Variants in SCHIP1 observed in about 807,000 individuals in gnomAD.
SCHIP1 encodes schwannomin-interacting protein 1.
In SCHIP1, 8 loss-of-function variants were observed where a neutral mutation model predicts 29.7. The observed-to-expected ratio is 0.27, with a 90% CI of 0.16 to 0.49. SCHIP1 has a LOEUF of 0.49. SCHIP1 is among the 20% of genes least tolerant of loss of function. The pLI is 0.99. For missense variants in SCHIP1, 193 were observed against 294.6 expected (o/e 0.66, Z 2.52); for synonymous variants, 76 against 94.9 (o/e 0.80, Z 1.16).
the SCHIP1 span, among the ~76,000 whole-genome samples, chr3:159,743,785 G>A: frequency 1.3e-5 from 2 of 152,142 alleles, no homozygotes; most frequent in Non-Finnish European, 2.9e-5. Flanking sequence ...GTTTGATACT[G>A]TACTGTGGTT....
At chr3:159,287,648 C>A in the SCHIP1 span, among the ~76,000 whole-genome samples, 3 of 152,238 alleles carry the variant, frequency 2.0e-5, no homozygotes, top group African/African-American at 7.2e-5. Context: ...TTTACATATG[C>A]TAACTCCTTT....
At chr3:159,694,745 A>G in the SCHIP1 span, among the ~76,000 whole-genome samples, 1 of 152,210 alleles carries the variant, frequency 6.6e-6, no homozygotes, top group Non-Finnish European at 1.5e-5. Flanking sequence ...TTAATTCCAG[A>G]AACTGGGCTA....
the SCHIP1 span, among the ~76,000 whole-genome samples, chr3:159,531,754 T>C: frequency 6.6e-6 from 1 of 152,214 alleles, no homozygotes; most frequent in Non-Finnish European, 1.5e-5. Flanking sequence ...CAAGCTCTGT[T>C]TGGCTATTTA....
chr3:159,548,962 C>T, the SCHIP1 span, among the ~76,000 whole-genome samples: 1 of 152,036 alleles, frequency 6.6e-6, no homozygotes. Context: ...TGAGTTATAT[C>T]CTGGACATTG....
the SCHIP1 span, among the ~76,000 whole-genome samples, chr3:159,473,577 TG>T: frequency 6.6e-6 from 1 of 150,998 alleles, no homozygotes; most frequent in Non-Finnish European, 1.5e-5. Context: ...CCTGTACAAT[TG>T]TTGCAGAATG....
chr3:159,856,905 C>T (rs1713439497), intron 1 of SCHIP1, among the ~76,000 whole-genome samples: 1 of 152,198 alleles, frequency 6.6e-6, no homozygotes, highest in African/African-American at 2.4e-5. Flanking sequence ...CAGACAAGCT[C>T]TCTGCCCTCC....
chr3:159,504,037 C>T, the SCHIP1 span, among the ~76,000 whole-genome samples: 1 of 152,214 alleles, frequency 6.6e-6, no homozygotes, highest in African/African-American at 2.4e-5. Flanking sequence ...GATCCTTTGG[C>T]CAGAGGCTGT....
the SCHIP1 span, among the ~76,000 whole-genome samples, chr3:159,382,936 C>T: frequency 6.7e-6 from 1 of 150,214 alleles, no homozygotes; most frequent in Non-Finnish European, 1.5e-5. Context: ...TGTCCTTTGC[C>T]CACTTTTTGA....
the SCHIP1 span, among the ~76,000 whole-genome samples, chr3:159,406,709 G>C: frequency 2.6e-5 from 4 of 152,180 alleles, no homozygotes; most frequent in South Asian, 8.3e-4. Context: ...AGTATGATAA[G>C]ATATAAATAG....
the SCHIP1 span, chr3:159,764,627 T>G: frequency 6.8e-6 from 11 of 1,607,794 alleles, no homozygotes; most frequent in Middle Eastern, 5.0e-4. The surrounding 1 kb of genome is among the most constrained non-coding windows in gnomAD (Gnocchi z 6.1). Flanking sequence ...CCCTTCCCGG[T>G]CTACCAGAAG....
chr3:159,492,165 A>T, the SCHIP1 span, among the ~76,000 whole-genome samples: 1 of 152,216 alleles, frequency 6.6e-6, no homozygotes, highest in Admixed American at 6.5e-5. Context: ...ACAGAGCAGA[A>T]AAACCGGAAA....
At chr3:159,336,675 A>C in the SCHIP1 span, among the ~76,000 whole-genome samples, 1 of 152,174 alleles carries the variant, frequency 6.6e-6, no homozygotes, top group Admixed American at 6.5e-5. Flanking sequence ...ATTATTTCTG[A>C]GGGCTGTGTT....
At chr3:159,517,113 AT>A in the SCHIP1 span, among the ~76,000 whole-genome samples, 1 of 152,212 alleles carries the variant, frequency 6.6e-6, no homozygotes, top group Non-Finnish European at 1.5e-5. Flanking sequence ...CCCCAGAACA[AT>A]GAGTATTGGG....
the SCHIP1 span, among the ~76,000 whole-genome samples, chr3:159,300,890 G>C: frequency 6.6e-6 from 1 of 152,030 alleles, no homozygotes; most frequent in Non-Finnish European, 1.5e-5. Context: ...AGTTTTTGCA[G>C]ATTTTGTGAG....
At chr3:159,470,745 A>C in the SCHIP1 span, among the ~76,000 whole-genome samples, 1 of 152,158 alleles carries the variant, frequency 6.6e-6, no homozygotes, top group Non-Finnish European at 1.5e-5. Flanking sequence ...TCAACTGTCG[A>C]ACCAAAACAC....
chr3:159,288,604 G>A, the SCHIP1 span, among the ~76,000 whole-genome samples: 3 of 152,218 alleles, frequency 2.0e-5, no homozygotes, highest in African/African-American at 7.2e-5. Context: ...GGGCATGGTG[G>A]CACATGCCTA....
At chr3:159,529,829 T>C in the SCHIP1 span, among the ~76,000 whole-genome samples, 1 of 152,162 alleles carries the variant, frequency 6.6e-6, no homozygotes, top group Admixed American at 6.5e-5. Context: ...CTGTTTTAGA[T>C]CCTACATATG....
At chr3:159,273,508 G>A in the SCHIP1 span, 2 of 1,124,262 alleles carry the variant, frequency 1.8e-6, no homozygotes, top group Non-Finnish European at 1.1e-6. Flanking sequence ...TGTTCTCCGA[G>A]TAGCCTTGTC....
At chr3:159,614,352 C>T in the SCHIP1 span, among the ~76,000 whole-genome samples, 1 of 152,172 alleles carries the variant, frequency 6.6e-6, no homozygotes, top group African/African-American at 2.4e-5. Context: ...ATACTGTGTC[C>T]TAATATGGAT....
Sources: gnomAD v4.1 joint callset for allele counts (sites outside exome capture counted in the v4.1 genomes callset) on GRCh38, gnomAD v4.1.1 for gene constraint, Gnocchi (gnomAD v3.1) non-coding constraint, MANE v1.5 for transcripts, NCBI Gene and HGNC (gene_info 2026-07-23, HGNC 2026-07-21) for gene names.